The following ABCD3 variants were observed in gnomAD, a reference collection of about 807,000 sequenced individuals.
ABCD3 encodes ATP binding cassette subfamily D member 3.
A neutral mutation model predicts 105.5 loss-of-function variants in ABCD3; 41 were observed. The observed-to-expected ratio is 0.39, with a 90% CI of 0.30 to 0.50. ABCD3 has a LOEUF of 0.50. Ranked by LOEUF, ABCD3 falls within the 20% of genes least tolerant of loss-of-function variation. The pLI is 0.84. For missense variants in ABCD3, 622 were observed against 806.3 expected (o/e 0.77, Z 2.77); for synonymous variants, 258 against 269.0 (o/e 0.96, Z 0.40).
At chr1:94,489,343 A>G (rs1649419568) in intron 13 of ABCD3, among the ~76,000 whole-genome samples, 1 of 152,052 alleles carries the variant, frequency 6.6e-6, no homozygotes, top group African/African-American at 2.4e-5. Context: ...CCAGCTTTAT[A>G]CATGGCTTTA....
the ABCD3 span, among the ~76,000 whole-genome samples, chr1:94,411,594 T>C: frequency 6.6e-6 from 1 of 152,150 alleles, no homozygotes; most frequent in Non-Finnish European, 1.5e-5. Context: ...AAGTTAAACA[T>C]AAAATTTTTA....
the ABCD3 span, among the ~76,000 whole-genome samples, chr1:94,399,466 A>T: frequency 6.6e-6 from 1 of 152,228 alleles, no homozygotes; most frequent in Non-Finnish European, 1.5e-5. Context: ...ATCTCTCAGT[A>T]GCCAATGATT....
chr1:94,492,782 A>C (rs1649596387), intron 16 of ABCD3, among the ~76,000 whole-genome samples: 1 of 152,222 alleles, frequency 6.6e-6, no homozygotes, highest in Non-Finnish European at 1.5e-5. Context: ...ATAGGGGCAC[A>C]CATGACTGAA....
chr1:94,506,875 T>C (rs1173528408), intron 21 of ABCD3, among the ~76,000 whole-genome samples: 3 of 151,962 alleles, frequency 2.0e-5, no homozygotes, highest in Non-Finnish European at 4.4e-5. Context: ...TGTTGTTTTA[T>C]ATAAGTGAGA....
chr1:94,422,404 A>G (rs1408298446), intron 1 of ABCD3, among the ~76,000 whole-genome samples: 4 of 152,188 alleles, frequency 2.6e-5, no homozygotes, highest in African/African-American at 4.8e-5. Context: ...TGTGAGGCAA[A>G]ACAGTTTCAT....
At position 94,499,440 on chromosome 1, in the gene ABCD3, T is replaced by G. The variant is rs201476870; in HGVS notation, c.1621-55T>G. On this transcript the variant is annotated intron_variant, in intron 19 of 22. Coordinates refer to ENST00000370214, the MANE Select transcript of ABCD3 (RefSeq NM_002858.4). ...TCCAGTTTAAAAAATAAACCACTAT[T>G]AAGAATGTTGGCTTATATTAAGTTT... 2.4e-4 allele frequency: 368 copies of G among 1,549,566 alleles called. 1 individual carries two copies. Among genetic ancestry groups the G allele is most frequent in the Non-Finnish European group, 4.7e-5 (53 of 1,122,870 alleles).
chr1:94,399,803 TG>T, the ABCD3 span, among the ~76,000 whole-genome samples: 22 of 152,316 alleles, frequency 1.4e-4, no homozygotes, highest in African/African-American at 5.1e-4. Context: ...TTTGTGTATT[TG>T]GGGGAGGACT....
chr1:94,411,912 A>G, the ABCD3 span, among the ~76,000 whole-genome samples: 4 of 152,352 alleles, frequency 2.6e-5, no homozygotes, highest in East Asian at 3.8e-4. Context: ...CACATATTGT[A>G]TGATTCTATT....
At chr1:94,481,290 G>A (rs1396820192) in intron 9 of ABCD3, among the ~76,000 whole-genome samples, 1 of 152,092 alleles carries the variant, frequency 6.6e-6, no homozygotes, top group Non-Finnish European at 1.5e-5. Flanking sequence ...TCATTTTGAG[G>A]GTTCTAATAT....
intron 1 of ABCD3, 94 bp downstream of exon 1, chr1:94,418,682 C>A: frequency 7.4e-7 from 1 of 1,355,246 alleles, no homozygotes; most frequent in Non-Finnish European, 1.0e-6. Context: ...TCTCTTTGCC[C>A]GACGGGGTCG....
intron 16 of ABCD3, among the ~76,000 whole-genome samples, chr1:94,496,450 A>G (rs1310062315): frequency 2.2e-5 from 2 of 90,566 alleles, no homozygotes; most frequent in East Asian, 2.5e-4. Context: ...ATGCCATTTC[A>G]TTGTGTGTGT....
At chr1:94,407,979 C>A in the ABCD3 span, among the ~76,000 whole-genome samples, 3 of 152,234 alleles carry the variant, frequency 2.0e-5, no homozygotes, top group Admixed American at 2.0e-4. Context: ...TTTCCTGATA[C>A]AACGGCAGAG....
chr1:94,421,562 A>ATGTGTGTGTGTGTGTG (rs3073023), intron 1 of ABCD3, among the ~76,000 whole-genome samples: 32 of 149,028 alleles, frequency 2.1e-4, no homozygotes, highest in Non-Finnish European at 1.2e-4. Context: ...GAGCTATAAG[A>ATGTGTGTGTGTGTGTG]TGTGTGTGTG....
At chr1:94,447,191 CT>C (rs1387428627) in intron 1 of ABCD3, among the ~76,000 whole-genome samples, 2 of 152,194 alleles carry the variant, frequency 1.3e-5, no homozygotes, top group African/African-American at 4.8e-5. Context: ...AAACTGGAGG[CT>C]TTAGAGAACG....
chr1:94,467,422 A>G (rs947477412), intron 3 of ABCD3, among the ~76,000 whole-genome samples: 1 of 152,200 alleles, frequency 6.6e-6, no homozygotes, highest in African/African-American at 2.4e-5. Flanking sequence ...TGAAAGCCCT[A>G]TGAGGGCATG....
chr1:94,425,733 C>T (rs941908627), intron 1 of ABCD3, among the ~76,000 whole-genome samples: 2 of 152,144 alleles, frequency 1.3e-5, no homozygotes, highest in African/African-American at 4.8e-5. Flanking sequence ...TTCTACTTTA[C>T]GGATGCAAAA....
intron 21 of ABCD3, among the ~76,000 whole-genome samples, chr1:94,511,388 T>A (rs1182901601): frequency 1.3e-5 from 2 of 152,180 alleles, no homozygotes; most frequent in East Asian, 1.9e-4. Context: ...CTTCCCTTTG[T>A]GGGTAACCCG....
intron 21 of ABCD3, among the ~76,000 whole-genome samples, chr1:94,507,574 C>T (rs1265787418): frequency 1.3e-5 from 2 of 151,848 alleles, no homozygotes; most frequent in African/African-American, 4.8e-5. Flanking sequence ...ACACTGACTT[C>T]CACAATGGTT....
chr1:94,507,473 C>T (rs1016522540), intron 21 of ABCD3, among the ~76,000 whole-genome samples: 31 of 152,180 alleles, frequency 2.0e-4, no homozygotes, highest in Admixed American at 7.9e-4. Context: ...GTCTTTATAG[C>T]AGCATGATTT....
Sources: allele counts gnomAD v4.1 joint callset (sites outside exome capture counted in the v4.1 genomes callset), GRCh38; gene constraint gnomAD v4.1.1; transcripts MANE v1.5; gene names NCBI Gene and HGNC (gene_info 2026-07-23, HGNC 2026-07-21).